M1AP: variants seen among roughly 807,000 people sequenced by gnomAD.
M1AP encodes meiosis 1 associated protein, also known as meiosis 1 arrest protein.
M1AP carries 39 observed loss-of-function variants against 51.2 expected under a neutral mutation model. That is an observed-to-expected ratio of 0.76 (90% CI 0.59 to 1.00). The LOEUF is 1.00. M1AP is among the 50% of genes least tolerant of loss of function. M1AP has a pLI of 0.00. For synonymous variants in M1AP, 251 were observed against 249.2 expected (o/e 1.01, Z -0.07); for missense variants, 545 against 641.2 (o/e 0.85, Z 1.62).
chr2:74,592,522 T>C (rs1031318376), intron 4 of M1AP, among the ~76,000 whole-genome samples: 2 of 152,156 alleles, frequency 1.3e-5, no homozygotes, highest in Non-Finnish European at 2.9e-5. Context: ...AGTTTTAAAG[T>C]GTTCTTTATA....
At chr2:74,580,779 A>G (rs1447821501) in intron 5 of M1AP, among the ~76,000 whole-genome samples, 2 of 152,176 alleles carry the variant, frequency 1.3e-5, no homozygotes, top group African/African-American at 4.8e-5. Context: ...TCAACCCTCA[A>G]TGATCTCTGT....
chr2:74,636,670 A>C (rs1388239523), intron 2 of M1AP, among the ~76,000 whole-genome samples: 1 of 152,124 alleles, frequency 6.6e-6, no homozygotes, highest in Non-Finnish European at 1.5e-5. Flanking sequence ...ATAGAAACTT[A>C]TCAGAGTCAA....
chr2:74,582,533 C>T (rs985072447), intron 4 of M1AP, among the ~76,000 whole-genome samples: 4 of 151,954 alleles, frequency 2.6e-5, no homozygotes, highest in Non-Finnish European at 5.9e-5. Context: ...TAACATGATC[C>T]CATTTATATA....
At chr2:74,583,115 T>C (rs1322252217) in intron 4 of M1AP, among the ~76,000 whole-genome samples, 5 of 151,874 alleles carry the variant, frequency 3.3e-5, no homozygotes, top group African/African-American at 4.8e-5. Flanking sequence ...CATTCTAGAA[T>C]ATAAAAACCA....
intron 7 of M1AP, among the ~76,000 whole-genome samples, chr2:74,567,039 A>G (rs1055006772): frequency 6.6e-6 from 1 of 152,236 alleles, no homozygotes; most frequent in Non-Finnish European, 1.5e-5. Context: ...CACTAGCTAC[A>G]TAACTAGGAC....
intron 3 of M1AP, 86 bp downstream of exon 3, chr2:74,614,878 T>C (rs1028101698): frequency 1.8e-5 from 23 of 1,245,240 alleles, no homozygotes; most frequent in Admixed American, 7.3e-5. Flanking sequence ...GAATGAAAGA[T>C]AGAACAATGT....
At chr2:74,642,056 G>T (rs1385074132) in intron 1 of M1AP, among the ~76,000 whole-genome samples, 1 of 151,232 alleles carries the variant, frequency 6.6e-6, no homozygotes, top group Non-Finnish European at 1.5e-5. Flanking sequence ...TGTTGGTCAT[G>T]CTGGTCTCGA....
At chr2:74,608,971 G>A (rs968797167) in intron 3 of M1AP, among the ~76,000 whole-genome samples, 12 of 152,142 alleles carry the variant, frequency 7.9e-5, no homozygotes, top group Middle Eastern at 6.8e-3. Flanking sequence ...ACACATTTAC[G>A]GGTACAGTGT....
intron 2 of M1AP, among the ~76,000 whole-genome samples, chr2:74,638,776 C>T (rs1413456924): frequency 6.6e-6 from 1 of 152,174 alleles, no homozygotes; most frequent in African/African-American, 2.4e-5. Context: ...TCATGAGGGA[C>T]CCCAAGCCTG....
chr2:74,644,783 C>T (rs986958609), intron 1 of M1AP, among the ~76,000 whole-genome samples: 7 of 152,172 alleles, frequency 4.6e-5, no homozygotes, highest in Middle Eastern at 3.4e-3. Flanking sequence ...CAAGAAAGCA[C>T]ATAACATATT....
chr2:74,647,432 G>C (rs932405093), intron 1 of M1AP: 3 of 983,300 alleles, frequency 3.1e-6, no homozygotes, highest in Admixed American at 6.2e-5. Context: ...TAAAGATTTC[G>C]TGGGCCCTAA....
intron 2 of M1AP, among the ~76,000 whole-genome samples, chr2:74,632,669 C>G (rs1439014348): frequency 6.6e-6 from 1 of 152,200 alleles, no homozygotes; most frequent in African/African-American, 2.4e-5. Context: ...TAGGCACTTT[C>G]TCCAGTTTAG....
chr2:74,643,788 G>C (rs1477271961), intron 1 of M1AP, among the ~76,000 whole-genome samples: 1 of 151,866 alleles, frequency 6.6e-6, no homozygotes, highest in East Asian at 1.9e-4. Flanking sequence ...TAGAGACAGG[G>C]TTTTGCCATG....
At chr2:74,578,661 CA>C (rs1679230612) in intron 5 of M1AP, among the ~76,000 whole-genome samples, 1 of 152,136 alleles carries the variant, frequency 6.6e-6, no homozygotes, top group Admixed American at 6.5e-5. Context: ...AAAAGAAACT[CA>C]TGTGTAACTC....
intron 2 of M1AP, among the ~76,000 whole-genome samples, chr2:74,632,308 C>T (rs1024975277): frequency 1.1e-4 from 17 of 152,210 alleles, no homozygotes; most frequent in Non-Finnish European, 2.4e-4. Context: ...GTCAAGGATT[C>T]AGAACCCCTA....
chr2:74,600,918 T>C (rs1680638279), intron 4 of M1AP, among the ~76,000 whole-genome samples: 1 of 152,124 alleles, frequency 6.6e-6, no homozygotes, highest in Non-Finnish European at 1.5e-5. Context: ...TTATTAGAGC[T>C]TGAAATTTTC....
In M1AP at chr2:74,558,368, C is replaced by T. The variant is rs539241521; in HGVS notation, c.*348G>A. On this transcript the variant is annotated 3_prime_UTR_variant, in exon 11 of 11. Coordinates refer to ENST00000421985, the MANE Select transcript of M1AP (RefSeq NM_001321739.2). ...TCCAGTTTACCAAAGGTGATCTGAC[C>T]TCATCCACCTGCTTACACAGAGCTA... 4.4e-6 allele frequency: 1 copy of T among 225,592 alleles called. No homozygotes were observed. Among genetic ancestry groups the T allele is most frequent in the South Asian group, 6.3e-5 (1 of 15,964 alleles). The allele number at this position is 225,592 out of a possible 1,614,324, so 14.0% of individuals were successfully genotyped here. A position where few individuals can be genotyped will look rare whatever the true frequency, so the allele number is the denominator to read the frequency against.
intron 4 of M1AP, among the ~76,000 whole-genome samples, chr2:74,591,234 C>A (rs1196458612): frequency 6.6e-6 from 1 of 152,128 alleles, no homozygotes; most frequent in Non-Finnish European, 1.5e-5. Flanking sequence ...CAATAAAGAT[C>A]TAAGTTGTAA....
Position 74,637,199 on chromosome 2 carries a change from A to C in M1AP, c.240+2837T>G, listed in dbSNP as rs191011512. Among the ~76,000 whole-genome samples, 450 of 152,200 alleles carry C rather than the reference A, an allele frequency of 3.0e-3. 2 individuals are homozygous for C. Among genetic ancestry groups the C allele is most frequent in the South Asian group, 0.017 (84 of 4,816 alleles). On this transcript the variant is annotated intron_variant, in intron 2 of 10. Transcript: ENST00000421985. The stretch of plus-strand genomic sequence containing the variant: ...CTATTCCTATGTCTTCATGCTCACT[A>C]ATCTTTTCTTTTGTAATGTCTAATC...
Sources: gnomAD v4.1 joint callset for allele counts (sites outside exome capture counted in the v4.1 genomes callset) on GRCh38, gnomAD v4.1.1 for gene constraint, MANE v1.5 for transcripts, NCBI Gene and HGNC (gene_info 2026-07-23, HGNC 2026-07-21) for gene names.